PRRX1: variants seen among roughly 807,000 people sequenced by gnomAD.
PRRX1 encodes the protein paired related homeobox 1, also known as paired mesoderm homeobox protein 1.
PRRX1 carries 8 observed loss-of-function variants against 24.0 expected under a neutral mutation model. The observed-to-expected ratio is 0.33, with a 90% CI of 0.20 to 0.60. The LOEUF (loss-of-function observed/expected upper bound fraction) is 0.60, where lower values mean the gene tolerates loss of function less well. Ranked by LOEUF, PRRX1 falls within the 20% of genes least tolerant of loss-of-function variation. The pLI, the probability that PRRX1 is intolerant of heterozygous loss-of-function variation, is 0.82. For missense variants in PRRX1, 281 were observed against 322.4 expected (o/e 0.87, Z 0.98); for synonymous variants, 160 against 131.7 (o/e 1.22, Z -1.47).
intron 1 of PRRX1, among the ~76,000 whole-genome samples, chr1:170,705,822 G>A (rs1654538887): frequency 6.6e-6 from 1 of 151,996 alleles, no homozygotes; most frequent in Admixed American, 6.6e-5. Flanking sequence ...TCTCATGTGA[G>A]CAATTGAATC....
chr1:170,732,890 A>G (rs1655481757), intron 3 of PRRX1, among the ~76,000 whole-genome samples: 1 of 152,178 alleles, frequency 6.6e-6, no homozygotes. Flanking sequence ...CCTATAAGGC[A>G]TTGTCACAGA....
intron 2 of PRRX1, among the ~76,000 whole-genome samples, chr1:170,726,015 T>C (rs912551249): frequency 6.6e-6 from 1 of 152,178 alleles, no homozygotes; most frequent in Non-Finnish European, 1.5e-5. Context: ...CTTGTTGTAA[T>C]AGTCTTGACC....
At chr1:170,662,920 T>C (rs1652771933), upstream of PRRX1, 1 of 152,182 alleles carries the variant, frequency 6.6e-6, no homozygotes, top group African/African-American at 2.4e-5. Context: ...ACGTTTGAAG[T>C]GACTGTGAGT....
chr1:170,674,635 T>C (rs1442090946), intron 1 of PRRX1, among the ~76,000 whole-genome samples: 1 of 152,140 alleles, frequency 6.6e-6, no homozygotes, highest in Non-Finnish European at 1.5e-5. Flanking sequence ...TATTCTGCAG[T>C]GTACAACACC....
intron 1 of PRRX1, among the ~76,000 whole-genome samples, chr1:170,703,620 T>C (rs951676344): frequency 6.6e-6 from 1 of 151,954 alleles, no homozygotes; most frequent in Non-Finnish European, 1.5e-5. Context: ...TCATCTTACT[T>C]GAACCTCACA....
Position 170,719,767 on chromosome 1 carries a change from C to T in PRRX1, c.283C>T (p.Arg95Ter). The T allele has an allele frequency of 1.2e-6, 2 of 1,614,150 alleles. No individual in the cohort carries two copies. The highest frequency in any genetic ancestry group is 1.7e-6 in the Non-Finnish European group (2 of 1,180,032). Residue 95 changes from arginine (R) to a stop codon, truncating the protein, a stop_gained, in exon 2 of 4, where the codon CGA becomes TGA. Transcript: ENST00000239461. LOFTEE classifies it high-confidence loss of function. ...AGAAGAAAAAAAGAAGAGAAAGCAG[C>T]GAAGGAATAGGACAACCTTCAATAG... is the stretch of plus-strand genomic sequence containing the variant. ...NSEEKKKRKQ[R>*]RNRTTFNSSQ...
At chr1:170,667,880 T>G (rs1652997245) in intron 1 of PRRX1, 1 of 152,212 alleles carries the variant, frequency 6.6e-6, no homozygotes, top group Admixed American at 6.5e-5. Context: ...CAATATTAGA[T>G]TCTTAATTTT....
intron 3 of PRRX1, chr1:170,730,562 C>T: frequency 1.9e-6 from 1 of 537,586 alleles, no homozygotes. Flanking sequence ...TCAGAGATTG[C>T]TGTGCACAGG....
Position 170,712,314 on chromosome 1 carries a change from T to G in PRRX1, c.242-7412T>G, listed in dbSNP as rs545861204. ...GGGGCAAACACCTGTGCATGATATA[T>G]ATCCTTGTGCAATTTTGAGTCTACC... On this transcript the variant is annotated intron_variant, in intron 1 of 3. Transcript: ENST00000239461. Among the ~76,000 whole-genome samples the G allele has an allele frequency of 2.0e-5, 3 of 152,304 alleles. No homozygotes were observed. In the South Asian group the frequency reaches 6.2e-4, roughly 32 times the overall value.
At chr1:170,705,197 T>A (rs1383457689) in intron 1 of PRRX1, among the ~76,000 whole-genome samples, 1 of 152,190 alleles carries the variant, frequency 6.6e-6, no homozygotes, top group Admixed American at 6.5e-5. Flanking sequence ...TTTATATAGC[T>A]CATGGTTGTG....
intron 1 of PRRX1, among the ~76,000 whole-genome samples, chr1:170,712,609 C>A (rs547413638): frequency 1.3e-5 from 2 of 152,176 alleles, no homozygotes; most frequent in African/African-American, 2.4e-5. Flanking sequence ...TAAAATCCAC[C>A]TCTTGTCAAA....
chr1:170,678,271 A>G (rs1232513347), intron 1 of PRRX1, among the ~76,000 whole-genome samples: 1 of 152,246 alleles, frequency 6.6e-6, no homozygotes, highest in Non-Finnish European at 1.5e-5. Flanking sequence ...CTTCTATATC[A>G]TGAAACATCC....
chr1:170,702,198 C>G (rs187415712), intron 1 of PRRX1, among the ~76,000 whole-genome samples: 2 of 152,328 alleles, frequency 1.3e-5, no homozygotes, highest in East Asian at 1.9e-4. Context: ...GGCAGTAATG[C>G]TCACTCACCT....
chr1:170,712,830 C>A (rs61817386), intron 1 of PRRX1, among the ~76,000 whole-genome samples: 33,789 of 152,080 alleles, frequency 0.22, 4,508 homozygotes, highest in Middle Eastern at 0.35. Context: ...TTACTTTCTA[C>A]TCCACTCCAC....
At chr1:170,695,620 T>G (rs1654140686) in intron 1 of PRRX1, among the ~76,000 whole-genome samples, 2 of 152,180 alleles carry the variant, frequency 1.3e-5, no homozygotes, top group Non-Finnish European at 1.5e-5. Flanking sequence ...AGGCTTGAGT[T>G]TTTGCAACTT....
intron 2 of PRRX1, among the ~76,000 whole-genome samples, chr1:170,724,779 T>C (rs188786923): frequency 6.6e-6 from 1 of 152,302 alleles, no homozygotes; most frequent in East Asian, 1.9e-4. Context: ...TTTTTCGTTC[T>C]ATATAAATTT....
chr1:170,664,088 C>CCTCTCTTTCTCTCTCTCTCT, upstream of PRRX1: 1 of 661,372 alleles, frequency 1.5e-6, no homozygotes, highest in Non-Finnish European at 2.2e-6. Context: ...CCTCTTCCTC[C>CCTCTCTTTCTCTCTCTCTCT]CTCTCTCTCT....
chr1:170,699,278 G>A (rs572837065), intron 1 of PRRX1, among the ~76,000 whole-genome samples: 31 of 152,086 alleles, frequency 2.0e-4, no homozygotes, highest in African/African-American at 6.7e-4. Context: ...AGACTTTTCT[G>A]TTTCTCTAGT....
chr1:170,663,768 C>T (rs1440539239), upstream of PRRX1: 1 of 159,336 alleles, frequency 6.3e-6, no homozygotes, highest in East Asian at 1.7e-4. Context: ...CTTCTCTCTT[C>T]TTCTGTTTGC....
Sources: allele counts gnomAD v4.1 joint callset (sites outside exome capture counted in the v4.1 genomes callset), GRCh38; gene constraint gnomAD v4.1.1; transcripts MANE v1.5; gene names NCBI Gene and HGNC (gene_info 2026-07-23, HGNC 2026-07-21).